Variants in LRRC56 observed in about 807,000 individuals in gnomAD.
The protein encoded by LRRC56 is leucine rich repeat containing 56.
Under a neutral mutation model 47.8 loss-of-function variants are expected in LRRC56, and 41 were observed. The observed-to-expected ratio is 0.86, with a 90% CI of 0.67 to 1.11. The LOEUF (loss-of-function observed/expected upper bound fraction) is 1.11, where lower values mean the gene tolerates loss of function less well. Ranked by LOEUF, LRRC56 falls within the 50% of genes most tolerant of loss-of-function variation. The pLI, the probability that LRRC56 is intolerant of heterozygous loss-of-function variation, is 0.00. For missense variants in LRRC56, 759 were observed against 704.2 expected (o/e 1.08, Z -0.88); for synonymous variants, 387 against 311.2 (o/e 1.24, Z -2.56).
rs571950038 is a variant in LRRC56 at position 548,247 on chromosome 11, G to A, written c.327-1655G>A. Among the ~76,000 whole-genome samples the A allele has an allele frequency of 2.1e-3, 320 of 152,310 alleles. 1 individual carries two copies. Among genetic ancestry groups the A allele is most frequent in the Non-Finnish European group, 4.0e-3 (274 of 68,028 alleles). ...ATAAAGTTACTGGCATGAAGATAAA[G>A]GTAAAAAGTTGGAGCAGCCAAGAAA... On this transcript the variant is annotated intron_variant, in intron 6 of 13. Transcript: ENST00000270115.
At chr11:537,483 A>G (rs1316029690), upstream of LRRC56, 1 of 152,238 alleles carries the variant, frequency 6.6e-6, no homozygotes, top group Non-Finnish European at 1.5e-5. Flanking sequence ...TCCCGTTGCT[A>G]TGGCGCCCAG....
intron 4 of LRRC56, 28 bp downstream of exon 4, chr11:540,889 C>T (rs1851763532): frequency 2.0e-6 from 3 of 1,507,598 alleles, no homozygotes; most frequent in Non-Finnish European, 2.7e-6. Context: ...GGGCTGTGGC[C>T]ACAGAGGCCT....
In LRRC56 at chr11:554,575, C is replaced by A; in HGVS notation, c.*299C>A. On this transcript the variant is annotated 3_prime_UTR_variant, in exon 14 of 14. Transcript: ENST00000270115. The stretch of plus-strand genomic sequence containing the variant: ...CGGGGGTGGGGGGTGGTCACCCGAG[C>A]AGGCCTGTGAGAGGCCTCTCCTGCT... The A allele has an allele frequency of 2.4e-6, 1 of 418,146 alleles. No individual in the cohort carries two copies. 25.9% of individuals were successfully genotyped at this position (418,146 alleles called of 1,614,324 possible). A position where few individuals can be genotyped will look rare whatever the true frequency, so the allele number is the denominator to read the frequency against.
intron 8 of LRRC56, 90 bp downstream of exon 8, chr11:550,362 C>A: frequency 2.4e-6 from 3 of 1,242,082 alleles, no homozygotes; most frequent in Non-Finnish European, 3.3e-6. Context: ...TGGCCAGGTA[C>A]TTCTGTGCCC....
the LRRC56 span, among the ~76,000 whole-genome samples, chr11:519,016 G>A: frequency 2.0e-5 from 3 of 151,998 alleles, no homozygotes; most frequent in Admixed American, 2.0e-4. Context: ...CCGCACGGGG[G>A]AGGCTTCTCC....
chr11:532,163 C>A, the LRRC56 span: 4 of 280,526 alleles, frequency 1.4e-5, no homozygotes, highest in African/African-American at 8.6e-5. Flanking sequence ...GAGCCCAGGG[C>A]TGGACAGGCC....
the LRRC56 span, among the ~76,000 whole-genome samples, chr11:510,631 G>A: frequency 6.6e-6 from 1 of 152,102 alleles, no homozygotes; most frequent in African/African-American, 2.4e-5. Context: ...CCAGCTACTC[G>A]GGAGACTGAG....
In LRRC56 at chr11:554,741, A is replaced by C. The variant is rs1242996902; in HGVS notation, c.*465A>C. ...CCTGAGGCCGCCGGGGGTGCGGTCC[A>C]GGCCTCCCGTCTCCGGGGGATCTGT... is the stretch of plus-strand genomic sequence containing the variant. On this transcript the variant is annotated 3_prime_UTR_variant, in exon 14 of 14. Transcript: ENST00000270115. The C allele has an allele frequency of 4.2e-6, 2 of 478,106 alleles. No homozygotes were observed. Among genetic ancestry groups the C allele is most frequent in the Non-Finnish European group, 7.4e-6 (2 of 269,384 alleles). The allele number at this position is 478,106 out of a possible 1,614,324, so 29.6% of individuals were successfully genotyped here.
the LRRC56 span, among the ~76,000 whole-genome samples, chr11:527,169 C>T: frequency 1.3e-5 from 2 of 151,024 alleles, no homozygotes; most frequent in Non-Finnish European, 3.0e-5. Context: ...GGTGTGGTGG[C>T]GGGCACCTGT....
the LRRC56 span, among the ~76,000 whole-genome samples, chr11:524,593 T>C: frequency 6.6e-6 from 1 of 151,690 alleles, no homozygotes; most frequent in African/African-American, 2.4e-5. Context: ...ATTGCACCAT[T>C]GCACTCCAGC....
Position 539,716 on chromosome 11 carries a change from G to T in LRRC56, c.-22G>T, listed in dbSNP as rs1031098606. ...CCGCCAGACGTCTGCATCTTTAAGGGGCAACACCAGGTAAGCCTGATGCAC... is the reference window on the plus strand; with the variant it reads ...CCGCCAGACGTCTGCATCTTTAAGGTGCAACACCAGGTAAGCCTGATGCAC... On this transcript the variant is annotated 5_prime_UTR_variant, in exon 3 of 14. Coordinates refer to ENST00000270115, the MANE Select transcript of LRRC56 (RefSeq NM_198075.4). 6.6e-6 allele frequency: 1 copy of T among 152,344 alleles called. No individual in the cohort carries two copies. Among genetic ancestry groups the T allele is most frequent in the Non-Finnish European group, 1.5e-5 (1 of 68,204 alleles). 9.4% of individuals were successfully genotyped at this position (152,344 alleles called of 1,614,324 possible). A position where few individuals can be genotyped will look rare whatever the true frequency, so the allele number is the denominator to read the frequency against.
chr11:540,664 CTG>C lies in LRRC56; in HGVS notation c.-11-8_-11-7del, dbSNP rs1851746032. On this transcript the variant is annotated splice_region_variant and splice_polypyrimidine_tract_variant and intron_variant, in intron 3 of 13. Coordinates refer to ENST00000270115, the MANE Select transcript of LRRC56 (RefSeq NM_198075.4). ...CAGCGTGGAGCTTTGCACTGTGCCT[CTG>C]TCAGCAGGTGACATGTGAATGGATC... 6.2e-7 allele frequency: 1 copy of C among 1,610,038 alleles called. No individual in the cohort carries two copies. Among genetic ancestry groups the C allele is most frequent in the Non-Finnish European group, 8.5e-7 (1 of 1,178,568 alleles).
chr11:553,280 C>T (rs1405186692), intron 13 of LRRC56, among the ~76,000 whole-genome samples: 2 of 152,006 alleles, frequency 1.3e-5, no homozygotes, highest in African/African-American at 4.8e-5. Flanking sequence ...GCAGGCAGGC[C>T]GGGCAGGGGG....
rs1034785738 is a variant in LRRC56, at chr11:540,691, C to A, written c.7C>A (p.Leu3Met). 1.2e-6 allele frequency: 2 copies of A among 1,612,418 alleles called. No homozygotes were observed. Among genetic ancestry groups the A allele is most frequent in the Non-Finnish European group, 1.7e-6 (2 of 1,179,666 alleles). The change falls in exon 4 of 14, where the codon CTG becomes ATG. Residue 3 changes from leucine (L) to methionine (M), a missense_variant. Leu to Met is a conservative substitution (Grantham distance 15, BLOSUM62 2). Coordinates refer to ENST00000270115, the MANE Select transcript of LRRC56 (RefSeq NM_198075.4). Reference sequence around the variant, plus strand: ...GTCAGCAGGTGACATGTGAATGGATCTGGGCTGGGACAGATCCCGTGGGCC... The same window carrying A: ...GTCAGCAGGTGACATGTGAATGGATATGGGCTGGGACAGATCCCGTGGGCC... Reference protein sequence around the residue: MDLGWDRSRGPRR... With the variant: MDMGWDRSRGPRR...
At chr11:550,445 C>T (rs922300277) in intron 8 of LRRC56, among the ~76,000 whole-genome samples, 173 bp downstream of exon 8, 1 of 152,222 alleles carries the variant, frequency 6.6e-6, no homozygotes, top group Non-Finnish European at 1.5e-5. Flanking sequence ...TCCCAGGACA[C>T]CCTCCTGGAC....
chr11:550,587 C>T (rs1589816580), intron 8 of LRRC56, among the ~76,000 whole-genome samples: 1 of 152,166 alleles, frequency 6.6e-6, no homozygotes, highest in African/African-American at 2.4e-5. Flanking sequence ...TGTGCACACA[C>T]ACACCTGTGT....
chr11:531,806 A>C, the LRRC56 span, among the ~76,000 whole-genome samples: 1 of 152,220 alleles, frequency 6.6e-6, no homozygotes, highest in Non-Finnish European at 1.5e-5. Flanking sequence ...AAAACTGGGC[A>C]TGTGAAGGCC....
chr11:542,680 G>A (rs904686409), intron 5 of LRRC56, among the ~76,000 whole-genome samples: 5 of 148,704 alleles, frequency 3.4e-5, no homozygotes, highest in South Asian at 2.1e-4. Flanking sequence ...GCTCCCTCCC[G>A]TGCGTGCACA....
chr11:538,184 AC>A (rs1183936924), intron 1 of LRRC56, among the ~76,000 whole-genome samples: 3 of 152,024 alleles, frequency 2.0e-5, no homozygotes, highest in African/African-American at 7.2e-5. Context: ...AACCCCTTGC[AC>A]CCCCAGGCCT....
Sources: allele counts gnomAD v4.1 joint callset (sites outside exome capture counted in the v4.1 genomes callset), GRCh38; gene constraint gnomAD v4.1.1; transcripts MANE v1.5; gene names NCBI Gene and HGNC (gene_info 2026-07-23, HGNC 2026-07-21).